The following LRRC45 variants were observed in gnomAD, a reference collection of about 807,000 sequenced individuals.
LRRC45 encodes leucine rich repeat containing 45.
Under a neutral mutation model 85.4 loss-of-function variants are expected in LRRC45, and 73 were observed. The ratio of observed to expected loss-of-function variants is 0.85; its 90% CI spans 0.71 to 1.04. The LOEUF (loss-of-function observed/expected upper bound fraction) is 1.04, where lower values mean the gene tolerates loss of function less well. LRRC45 is among the 50% of genes least tolerant of loss of function. The probability of loss-of-function intolerance (pLI) is 0.00; values close to 1 mark genes in which losing one functional copy is unlikely to be tolerated. For missense variants in LRRC45, 937 were observed against 883.3 expected, an observed-to-expected ratio of 1.06 and a Z score of -0.77; for synonymous variants, 429 against 386.0, an observed-to-expected ratio of 1.11 and a Z score of -1.31.
chr17:82,028,166 G>A lies in LRRC45; in HGVS notation c.1047+20G>A, dbSNP rs2144146040. 2.6e-6 allele frequency: 4 copies of A among 1,561,292 alleles called. No homozygotes were observed. Among genetic ancestry groups the A allele is most frequent in the Non-Finnish European group, 3.5e-6 (4 of 1,153,000 alleles). The stretch of plus-strand genomic sequence containing the variant: ...CAGCAGGTGGGTGGGCAGGGCTTGA[G>A]AGGGGTGGGCCAAGGGGTGCGTGGC... On this transcript the variant is annotated intron_variant, in intron 9 of 16. Transcript: ENST00000306688.
chr17:82,024,980 G>T lies in LRRC45; in HGVS notation c.354-20G>T. ...CTAGGCAGTCCCCTAGGTGAACACTGGCTTCTGCCCCTCCTGCAGCCTCAC... is the reference window on the plus strand; with the variant it reads ...CTAGGCAGTCCCCTAGGTGAACACTTGCTTCTGCCCCTCCTGCAGCCTCAC... On this transcript the variant is annotated intron_variant, in intron 3 of 16. Coordinates refer to ENST00000306688, the MANE Select transcript of LRRC45 (RefSeq NM_144999.4). The T allele has an allele frequency of 6.5e-7, 1 of 1,539,698 alleles. No homozygotes were observed. Among genetic ancestry groups the T allele is most frequent in the Non-Finnish European group, 8.8e-7 (1 of 1,140,264 alleles).
In LRRC45 at chr17:82,028,671, G is replaced by A. The variant is rs1374151979; in HGVS notation, c.1296G>A (p.Leu432=). 6.2e-7 allele frequency: 1 copy of A among 1,612,560 alleles called. No homozygotes were observed. The part of the protein sequence containing the change: ...CRQSLEDSES[L]RIKEVEHMTR... ...AGAGCCTGGAGGACTCCGAAAGCCTGCGCATCAAGGAGGTGCCCTCTTCGT... is the reference window on the plus strand; with the variant it reads ...AGAGCCTGGAGGACTCCGAAAGCCTACGCATCAAGGAGGTGCCCTCTTCGT... The change falls in exon 12 of 17, where the codon CTG becomes CTA. Residue 432 remains leucine, a synonymous_variant. Transcript: ENST00000306688.
At chr17:82,028,541 T>C in intron 11 of LRRC45, 33 bp downstream of exon 11, 1 of 1,610,302 alleles carries the variant, frequency 6.2e-7, no homozygotes, top group Non-Finnish European at 8.5e-7. Flanking sequence ...TGGAGGGGCC[T>C]GGGGATGGGC....
chr17:82,029,259 C>T, intron 13 of LRRC45, 74 bp downstream of exon 13: 25 of 1,409,254 alleles, frequency 1.8e-5, no homozygotes, highest in Non-Finnish European at 2.1e-5. Flanking sequence ...CTGGTGTTCG[C>T]CGCCTCAGGA....
intron 12 of LRRC45, chr17:82,028,888 C>G: frequency 2.7e-6 from 2 of 730,346 alleles, no homozygotes; most frequent in Admixed American, 5.4e-5. Flanking sequence ...AGCCGTAGTA[C>G]AGGCTGCCGT....
chr17:82,024,414 C>T (rs1026997205), intron 2 of LRRC45, 75 bp downstream of exon 2: 60 of 1,570,942 alleles, frequency 3.8e-5, no homozygotes, highest in Middle Eastern at 1.7e-4. Flanking sequence ...TGCCAGGTCT[C>T]GGGGGCCTGG....
In LRRC45 at chr17:82,024,746, G is replaced by C. The variant is rs369785505; in HGVS notation, c.336G>C (p.Gln112His). Residue 112 changes from glutamine (Q) to histidine (H), a missense_variant, in exon 3 of 17, where the codon CAG becomes CAC. Transcript: ENST00000306688. ...GAEALGKLLQ[Q>H]NKSIQSLTLE... The stretch of plus-strand genomic sequence containing the variant: ...AGGCTCTGGGAAAACTCCTCCAACA[G>C]AACAAGTCCATTCAGAGGTGGGTGG... The C allele has an allele frequency of 4.2e-4, 662 of 1,579,766 alleles. 12 individuals are homozygous for C. The Middle Eastern group carries it at 5.2e-3, about 12-fold the overall frequency.
At position 82,029,084 on chromosome 17, in the gene LRRC45, C is replaced by A; in HGVS notation, c.1309-9C>A. On this transcript the variant is annotated splice_polypyrimidine_tract_variant and intron_variant, in intron 12 of 16. Transcript: ENST00000306688. ...CCACTCTGGCCCCACAATCCCTGCC[C>A]CTGAGCAGGTGGAGCATATGACCCG... 1 of 1,611,224 alleles carries A rather than the reference C, an allele frequency of 6.2e-7. No homozygotes were observed. Among genetic ancestry groups the A allele is most frequent in the East Asian group, 2.2e-5 (1 of 44,860 alleles).
rs1158640932 is a variant in LRRC45 at position 82,028,246 on chromosome 17, C to T, written c.1060C>T (p.Arg354Trp). Reference sequence around the variant, plus strand: ...GTTCCCCTCCCAGGAAGCTGCAGAGCGGGAGTCTAAACTCCTCAGAGACTT... The same window carrying T: ...GTTCCCCTCCCAGGAAGCTGCAGAGTGGGAGTCTAAACTCCTCAGAGACTT... ...LKLEQQEAAE[R>W]ESKLLRDLSA... The change falls in exon 10 of 17, where the codon CGG (arginine) becomes TGG (tryptophan). Residue 354 changes from arginine (R) to tryptophan (W), a missense_variant. Transcript: ENST00000306688. The T allele has an allele frequency of 2.2e-5, 35 of 1,575,306 alleles. No individual in the cohort carries two copies. Among genetic ancestry groups the T allele is most frequent in the Admixed American group, 1.1e-4 (6 of 53,848 alleles).
At chr17:82,027,321 C>A in intron 6 of LRRC45, 65 bp from the exon 7 acceptor site, 1 of 1,588,602 alleles carries the variant, frequency 6.3e-7, no homozygotes, top group South Asian at 1.1e-5. Context: ...TCTCCTTCCC[C>A]CTGAGAAGGT....
Position 82,026,949 on chromosome 17 carries a change from C to G in LRRC45, c.712C>G (p.Gln238Glu). 1.2e-6 allele frequency: 2 copies of G among 1,608,666 alleles called. No homozygotes were observed. The highest frequency in any genetic ancestry group is 1.3e-5 in the African/African-American group (1 of 75,034). ...CCGGCTCACCACCTTCCAGGAGAACCAAGCCCGCACTCACGTCCTCAGCAA... is the reference window on the plus strand; with the variant it reads ...CCGGCTCACCACCTTCCAGGAGAACGAAGCCCGCACTCACGTCCTCAGCAA... ...QDRLTTFQEN[Q>E]ARTHVLSKEV... The change falls in exon 6 of 17, where the codon CAA (glutamine) becomes GAA (glutamate). Residue 238 changes from glutamine (Q) to glutamate (E), a missense_variant. By Grantham distance (29) the Gln-to-Glu change is conservative. Transcript: ENST00000306688.
At chr17:82,024,534 C>T (rs959077877) in intron 2 of LRRC45, among the ~76,000 whole-genome samples, 159 bp from the exon 3 acceptor site, 3 of 152,156 alleles carry the variant, frequency 2.0e-5, no homozygotes, top group Admixed American at 6.5e-5. Context: ...AACAAGCCGG[C>T]CCTTGGAAGC....
In LRRC45 at chr17:82,029,589, C is replaced by T; in HGVS notation, c.1448C>T (p.Ala483Val). 6.3e-7 allele frequency: 1 copy of T among 1,581,692 alleles called. No homozygotes were observed. The highest frequency in any genetic ancestry group is 8.6e-7 in the Non-Finnish European group (1 of 1,165,324). Reference protein sequence around the residue: ...KAAALSERGQAEEELIKAKSQ... With the variant: ...KAAALSERGQVEEELIKAKSQ... ...GCGGCACTCAGCGAGCGTGGCCAGGCTGAGGAGGAGCTGATCAAGGCCAAG... is the reference window on the plus strand; with the variant it reads ...GCGGCACTCAGCGAGCGTGGCCAGGTTGAGGAGGAGCTGATCAAGGCCAAG... The change falls in exon 14 of 17, where the codon GCT (alanine) becomes GTT (valine). Residue 483 changes from alanine to valine, a missense_variant. Coordinates refer to ENST00000306688, the MANE Select transcript of LRRC45 (RefSeq NM_144999.4).
Position 82,028,609 on chromosome 17 carries a change from C to G in LRRC45, c.1238-4C>G, listed in dbSNP as rs779469872. 6.2e-7 allele frequency: 1 copy of G among 1,612,806 alleles called. No individual in the cohort carries two copies. Among genetic ancestry groups the G allele is most frequent in the Non-Finnish European group, 8.5e-7 (1 of 1,179,946 alleles). ...CGCATACTCTGCCCACCCTGGGCTTCCAGAGCGCCTGGACATGGAGAAGAG... is the reference window on the plus strand; with the variant it reads ...CGCATACTCTGCCCACCCTGGGCTTGCAGAGCGCCTGGACATGGAGAAGAG... On this transcript the variant is annotated splice_polypyrimidine_tract_variant and splice_region_variant and intron_variant, in intron 11 of 16. Transcript: ENST00000306688.
At chr17:82,029,317 G>A in intron 13 of LRRC45, 132 bp downstream of exon 13, 2 of 988,826 alleles carry the variant, frequency 2.0e-6, no homozygotes, top group Middle Eastern at 3.2e-4. Flanking sequence ...CCACCTTGGG[G>A]ACCCACCCAC....
At chr17:82,025,622 A>G in intron 5 of LRRC45, 115 bp downstream of exon 5, 1 of 1,323,558 alleles carries the variant, frequency 7.6e-7, no homozygotes. Context: ...CTGAGAGCCC[A>G]GGGGAAGCAG....
chr17:82,025,581 G>T, intron 5 of LRRC45, 74 bp downstream of exon 5: 1 of 1,454,592 alleles, frequency 6.9e-7, no homozygotes. Context: ...GGGGTGCCGG[G>T]CTCAGGACGG....
At chr17:82,030,270 G>C (rs751016682) in intron 15 of LRRC45, 32 bp downstream of exon 15, 1 of 1,537,664 alleles carries the variant, frequency 6.5e-7, no homozygotes, top group Non-Finnish European at 8.8e-7. Flanking sequence ...GGCCCCGGGC[G>C]TGCTAGCCCC....
At chr17:82,027,560 C>T (rs2043379488) in intron 7 of LRRC45, 114 bp from the exon 8 acceptor site, 2 of 1,542,352 alleles carry the variant, frequency 1.3e-6, no homozygotes, top group Non-Finnish European at 8.9e-7. Context: ...GCTGGAGGCT[C>T]AGTGCCCAGG....
Sources: allele counts gnomAD v4.1 joint callset (sites outside exome capture counted in the v4.1 genomes callset), GRCh38; gene constraint gnomAD v4.1.1; transcripts MANE v1.5; gene names NCBI Gene and HGNC (gene_info 2026-07-23, HGNC 2026-07-21).